The following KNDC1 variants were observed in gnomAD, a reference collection of about 807,000 sequenced individuals.
KNDC1 encodes kinase non-catalytic C-lobe domain-containing protein 1.
A neutral mutation model predicts 172.8 loss-of-function variants in KNDC1; 106 were observed. That is an observed-to-expected ratio of 0.61 (90% CI 0.52 to 0.72). The LOEUF (loss-of-function observed/expected upper bound fraction) is 0.72, where lower values mean the gene tolerates loss of function less well. Ranked by LOEUF, KNDC1 falls within the 30% of genes least tolerant of loss-of-function variation. The pLI, the probability that KNDC1 is intolerant of heterozygous loss-of-function variation, is 0.00. For missense variants in KNDC1, 2,325 were observed against 2,394.5 expected, an observed-to-expected ratio of 0.97 and a Z score of 0.61; for synonymous variants, 1,083 against 1,062.2, an observed-to-expected ratio of 1.02 and a Z score of -0.38.
At chr10:133,202,007 A>G in intron 17 of KNDC1, 109 bp downstream of exon 17, 1 of 1,238,438 alleles carries the variant, frequency 8.1e-7, no homozygotes, top group Non-Finnish European at 1.1e-6. Context: ...AGCCCCCAAC[A>G]GGGTGACACT....
rs1845694114 is a variant in KNDC1, at chr10:133,225,077, G to A, written c.*187G>A. 3.3e-6 allele frequency: 2 copies of A among 597,904 alleles called. No individual in the cohort carries two copies. Among genetic ancestry groups the A allele is most frequent in the South Asian group, 4.0e-5 (2 of 50,486 alleles). 37.0% of individuals were successfully genotyped at this position (597,904 alleles called of 1,614,324 possible). Reference sequence around the variant, plus strand: ...GACAGGCAGAGCTGGTCTCCTCCCAGCAGACGGAGCCAGGACGGGCACAAG... The same window carrying A: ...GACAGGCAGAGCTGGTCTCCTCCCAACAGACGGAGCCAGGACGGGCACAAG... On this transcript the variant is annotated 3_prime_UTR_variant, in exon 30 of 30. Coordinates refer to ENST00000304613, the MANE Select transcript of KNDC1 (RefSeq NM_152643.8).
At chr10:133,216,987 G>A (rs574923646) in intron 26 of KNDC1, among the ~76,000 whole-genome samples, 5 of 152,370 alleles carry the variant, frequency 3.3e-5, no homozygotes, top group Non-Finnish European at 7.3e-5. Flanking sequence ...CAAGATTCAC[G>A]GAGACAAAGT....
In KNDC1 at chr10:133,225,199, C is replaced by T; in HGVS notation, c.*309C>T. On this transcript the variant is annotated 3_prime_UTR_variant, in exon 30 of 30. Coordinates refer to ENST00000304613, the MANE Select transcript of KNDC1 (RefSeq NM_152643.8). ...CCCAGGAGTTTTGTGCCTGTCTGCG[C>T]CTCTCACACACAGATAAGTGGCTCT... is the stretch of plus-strand genomic sequence containing the variant. 1 of 360,882 alleles carries T rather than the reference C, an allele frequency of 2.8e-6. No individual in the cohort carries two copies. The highest frequency in any genetic ancestry group is 5.3e-6 in the Non-Finnish European group (1 of 189,362). 22.4% of individuals were successfully genotyped at this position (360,882 alleles called of 1,614,324 possible). A position where few individuals can be genotyped will look rare whatever the true frequency, so the allele number is the denominator to read the frequency against.
At chr10:133,180,906 C>T (rs1853698199) in intron 3 of KNDC1, among the ~76,000 whole-genome samples, 1 of 152,256 alleles carries the variant, frequency 6.6e-6, no homozygotes, top group African/African-American at 2.4e-5. Context: ...TTTACTCTAA[C>T]AGATTGGCAA....
Position 133,224,699 on chromosome 10 carries a change from G to A in KNDC1, c.5059G>A (p.Glu1687Lys). The change falls in exon 30 of 30, where the codon GAG becomes AAG. Residue 1687 changes from glutamate (E) to lysine (K), a missense_variant. Physicochemically the swap from Glu to Lys is moderately conservative, Grantham distance 56. Transcript: ENST00000304613. This position sits in a 1 kb window ranked among gnomAD's most constrained non-coding sequence, Gnocchi z 5.4. The stretch of plus-strand genomic sequence containing the variant: ...GGTGAGCCAGGTGCACGCGTTCCAG[G>A]AGAACCCTTACACCTTCAGCCCCGA... ...KVVSQVHAFQ[E>K]NPYTFSPDPK... 11 of 1,614,084 alleles carry A rather than the reference G, an allele frequency of 6.8e-6. No individual in the cohort carries two copies. The highest frequency in any genetic ancestry group is 9.3e-6 in the Non-Finnish European group (11 of 1,180,032).
chr10:133,183,838 C>T (rs377751214), intron 4 of KNDC1, 34 bp from the exon 5 acceptor site: 73 of 1,491,944 alleles, frequency 4.9e-5, no homozygotes, highest in Middle Eastern at 2.5e-4. Flanking sequence ...GCCCCTCCTC[C>T]GAGCCTTCCT....
intron 7 of KNDC1, 32 bp from the exon 8 acceptor site, chr10:133,189,566 G>GC: frequency 6.2e-7 from 1 of 1,603,794 alleles, no homozygotes; most frequent in Non-Finnish European, 8.5e-7. Context: ...GGGGCAGCAT[G>GC]CATACCCGCC....
chr10:133,210,602 G>A lies in KNDC1; in HGVS notation c.3795-9G>A, dbSNP rs111868719. On this transcript the variant is annotated splice_polypyrimidine_tract_variant and intron_variant, in intron 20 of 29. Transcript: ENST00000304613. Reference sequence around the variant, plus strand: ...CCACCACCTCACCGCCGCCCGCCCCGCCCCACAGTGATGCCTTCCTGGAGG... The same window carrying A: ...CCACCACCTCACCGCCGCCCGCCCCACCCCACAGTGATGCCTTCCTGGAGG... 6.3e-5 allele frequency: 65 copies of A among 1,030,854 alleles called. No homozygotes were observed. The highest frequency in any genetic ancestry group is 3.6e-4 in the African/African-American group (22 of 60,470). 63.9% of individuals were successfully genotyped at this position (1,030,854 alleles called of 1,614,324 possible). A position where few individuals can be genotyped will look rare whatever the true frequency, so the allele number is the denominator to read the frequency against.
At chr10:133,177,946 CGT>C (rs919564246) in intron 3 of KNDC1, among the ~76,000 whole-genome samples, 4 of 140,242 alleles carry the variant, frequency 2.9e-5, no homozygotes, top group South Asian at 2.3e-4. Context: ...GTCACGGACA[CGT>C]GTAGCATGAT....
intron 16 of KNDC1, 35 bp from the exon 17 acceptor site, chr10:133,201,466 C>CACT: frequency 6.4e-7 from 1 of 1,551,438 alleles, no homozygotes; most frequent in Non-Finnish European, 8.7e-7. Flanking sequence ...CCACAGGAGC[C>CACT]ACTGTCCACG....
intron 3 of KNDC1, among the ~76,000 whole-genome samples, chr10:133,175,442 T>C (rs1338327597): frequency 1.4e-5 from 2 of 140,510 alleles, no homozygotes; most frequent in South Asian, 2.4e-4. Context: ...GATGAGTGGA[T>C]GGATGGGTGG....
rs1049803196 is a variant in KNDC1, at chr10:133,183,939, C to G, written c.575C>G (p.Ser192Cys). 3 of 1,604,260 alleles carry G rather than the reference C, an allele frequency of 1.9e-6. No individual in the cohort carries two copies. The highest frequency in any genetic ancestry group is 2.6e-6 in the Non-Finnish European group (3 of 1,172,628). ...TSSCRVCRSL[S>C]AVGRRVLSIE... ...TCCTGTCGCGTGTGCCGGAGCCTCT[C>G]TGCTGTGGGGAGGAGGGTCCTCTCC... Residue 192 changes from serine (S) to cysteine (C), a missense_variant, in exon 5 of 30, where the codon TCT becomes TGT. Ser to Cys is a moderately radical substitution (Grantham distance 112). Transcript: ENST00000304613.
At chr10:133,204,884 C>T (rs1047488847) in intron 17 of KNDC1, among the ~76,000 whole-genome samples, 1 of 152,098 alleles carries the variant, frequency 6.6e-6, no homozygotes, top group African/African-American at 2.4e-5. Context: ...GCTGCCGCGC[C>T]TCTCACCTCT....
chr10:133,220,263 G>C (rs1845559517), intron 29 of KNDC1, 151 bp downstream of exon 29: 2 of 283,948 alleles, frequency 7.0e-6, no homozygotes, highest in South Asian at 3.0e-4. Flanking sequence ...TCAGGCGGGC[G>C]CGCGCCCAGG....
At position 133,195,675 on chromosome 10, in the gene KNDC1, T is replaced by C; in HGVS notation, c.1588T>C (p.Cys530Arg). The change falls in exon 10 of 30, where the codon TGT (cysteine) becomes CGT (arginine). Residue 530 changes from cysteine to arginine, a missense_variant. Transcript: ENST00000304613. ...CCCACCCGCCCAGGCCTCTGTGTAC[T>C]GTGTGGCCGCCGTTCTGTGGACCGC... ...RLVTEKASVY[C>R]VAAVLWTAAK... 1 of 1,609,982 alleles carries C rather than the reference T, an allele frequency of 6.2e-7. No individual in the cohort carries two copies. Among genetic ancestry groups the C allele is most frequent in the Non-Finnish European group, 8.5e-7 (1 of 1,178,396 alleles).
chr10:133,182,813 TGCGCGGGCGGCGAGG>T (rs1163936693), intron 3 of KNDC1, among the ~76,000 whole-genome samples: 2 of 152,180 alleles, frequency 1.3e-5, no homozygotes, highest in African/African-American at 4.8e-5. Flanking sequence ...TAGGCCCAAC[TGCGCGGGCGGCGAGG>T]GCGCGGGCAG....
intron 26 of KNDC1, 58 bp downstream of exon 26, chr10:133,214,180 T>C: frequency 6.3e-7 from 1 of 1,585,734 alleles, no homozygotes; most frequent in Non-Finnish European, 8.6e-7. Context: ...TACGCGGGGG[T>C]GGCAGCGCCT....
Position 133,181,847 on chromosome 10 carries a change from C to CAA in KNDC1, c.361-1496_361-1495insAA, listed in dbSNP as rs1273729640. On this transcript the variant is annotated intron_variant, in intron 3 of 29. Transcript: ENST00000304613. ...CCCCAGGACCGTCCACACACACACA[C>CAA]ACACACACACACACCAGACTGTGGA... Among the ~76,000 whole-genome samples, 115 of 142,618 alleles carry CAA rather than the reference C, an allele frequency of 8.1e-4. 3 individuals are homozygous for CAA. The highest frequency in any genetic ancestry group is 3.8e-4 in the Non-Finnish European group (24 of 62,688). The allele number at this position is 142,618 out of a possible 152,430, so 93.6% of individuals were successfully genotyped here. A position where few individuals can be genotyped will look rare whatever the true frequency, so the allele number is the denominator to read the frequency against.
At chr10:133,164,492 T>TGGGC (rs1001268539) in intron 1 of KNDC1, among the ~76,000 whole-genome samples, 4 of 152,144 alleles carry the variant, frequency 2.6e-5, no homozygotes, top group Non-Finnish European at 5.9e-5. Context: ...GAGGCGGCGC[T>TGGGC]GGGCAGACAG....
Sources: allele counts gnomAD v4.1 joint callset (sites outside exome capture counted in the v4.1 genomes callset), GRCh38; gene constraint gnomAD v4.1.1; non-coding constraint Gnocchi (gnomAD v3.1); transcripts MANE v1.5; gene names NCBI Gene and HGNC (gene_info 2026-07-23, HGNC 2026-07-21).